Variants in BTN3A3 observed in about 807,000 individuals in gnomAD.
BTN3A3 encodes the protein butyrophilin 3.
Under a neutral mutation model 43.2 loss-of-function variants are expected in BTN3A3, and 39 were observed. The observed-to-expected ratio is 0.90, with a 90% confidence interval of 0.70 to 1.18. The LOEUF (loss-of-function observed/expected upper bound fraction) is 1.18. Among genes scored for constraint, BTN3A3 ranks in the 50% most tolerant of loss-of-function variants. The probability of loss-of-function intolerance (pLI) is 0.00; values close to 1 mark genes in which losing one functional copy is unlikely to be tolerated. For synonymous variants in BTN3A3, 255 were observed against 272.7 expected (o/e 0.93, Z 0.64); for missense variants, 631 against 722.8 (o/e 0.87, Z 1.46).
At chr6:26,446,092 C>G in intron 5 of BTN3A3, 107 bp downstream of exon 5, 1 of 1,532,730 alleles carries the variant, frequency 6.5e-7, no homozygotes, top group Non-Finnish European at 8.9e-7. Flanking sequence ...ACCTGGGTCT[C>G]TACAATGCAT....
At chr6:26,450,063 C>G in intron 9 of BTN3A3, 44 bp from the exon 10 acceptor site, 3 of 1,603,608 alleles carry the variant, frequency 1.9e-6, no homozygotes, top group Admixed American at 3.3e-5. Flanking sequence ...GAGAAAAGAA[C>G]AAAAATACTG....
intron 8 of BTN3A3, 182 bp from the exon 9 acceptor site, chr6:26,449,480 C>G: frequency 1.5e-6 from 1 of 660,116 alleles, no homozygotes; most frequent in Non-Finnish European, 2.7e-6. Flanking sequence ...AGCATTCAAC[C>G]AATGTTCCCA....
rs200995489 is a variant in BTN3A3, at chr6:26,451,742, G to A, written c.1086G>A (p.Val362=). The A allele has an allele frequency of 9.3e-5, 150 of 1,614,192 alleles. No homozygotes were observed. The highest frequency in any genetic ancestry group is 8.2e-4 in the East Asian group (37 of 44,886). Reference sequence around the variant, plus strand: ...TTGTTTCTGAGGACCAGAGGAGTGTGCAGCGTGCTGAAGAGCCGCGGGATC... The same window carrying A: ...TTGTTTCTGAGGACCAGAGGAGTGTACAGCGTGCTGAAGAGCCGCGGGATC... The part of the protein sequence containing the change: ...ILLVSEDQRS[V]QRAEEPRDLP... The change falls in exon 11 of 11, where the codon GTG becomes GTA. Residue 362 remains valine (V), a synonymous_variant. Transcript: ENST00000244519.
chr6:26,451,932 A>G lies in BTN3A3; in HGVS notation c.1276A>G (p.Thr426Ala). The change falls in exon 11 of 11, where the codon ACA becomes GCA. Residue 426 changes from threonine (T) to alanine (A), a missense_variant. Transcript: ENST00000244519. ...VERKKGWVKM[T>A]PENGYWTMGL... ...GAGGAAAAAAGGTTGGGTCAAAATG[A>G]CACCGGAGAACGGATACTGGACTAT... 6.2e-7 allele frequency: 1 copy of G among 1,614,078 alleles called. No individual in the cohort carries two copies. Among genetic ancestry groups the G allele is most frequent in the African/African-American group, 1.3e-5 (1 of 74,976 alleles).
Position 26,452,527 on chromosome 6 carries a change from C to T in BTN3A3, c.*116C>T. 2 of 890,572 alleles carry T rather than the reference C, an allele frequency of 2.2e-6. No individual in the cohort carries two copies. Among genetic ancestry groups the T allele is most frequent in the Middle Eastern group, 5.0e-4 (2 of 4,012 alleles). 55.2% of individuals were successfully genotyped at this position (890,572 alleles called of 1,614,324 possible). On this transcript the variant is annotated 3_prime_UTR_variant, in exon 11 of 11. Transcript: ENST00000244519. ...AGGTGAATTAACTTTACAAAGTAGACATGACAAGTGAACAGCAGAGCTGGG... is the reference window on the plus strand; with the variant it reads ...AGGTGAATTAACTTTACAAAGTAGATATGACAAGTGAACAGCAGAGCTGGG...
At chr6:26,444,690 G>A (rs180797432) in intron 4 of BTN3A3, 58 of 337,854 alleles carry the variant, frequency 1.7e-4, no homozygotes, top group African/African-American at 1.2e-3. Flanking sequence ...GTGGAATGGT[G>A]ACTGTATCTG....
chr6:26,452,288 T>C lies in BTN3A3; in HGVS notation c.1632T>C (p.Ser544=), dbSNP rs911497895. ...TPLTPGLANE[S]GEPQAEVTSL... The stretch of plus-strand genomic sequence containing the variant: ...TGACCCCGGGCTTAGCTAATGAAAG[T>C]GGGGAGCCTCAGGCTGAAGTAACAT... Residue 544 remains serine, a synonymous_variant, in exon 11 of 11, where the codon AGT becomes AGC. Transcript: ENST00000244519. The C allele has an allele frequency of 2.2e-5, 35 of 1,614,060 alleles. No homozygotes were observed. The highest frequency in any genetic ancestry group is 3.0e-5 in the Non-Finnish European group (35 of 1,180,002).
chr6:26,451,865 C>A lies in BTN3A3; in HGVS notation c.1209C>A (p.Asp403Glu), dbSNP rs774134079. ...ATTACTGGGAGGTGGAAGTGGGGGACAGAAAAGAGTGGCATATTGGGGTAT... is the reference window on the plus strand; with the variant it reads ...ATTACTGGGAGGTGGAAGTGGGGGAAAGAAAAGAGTGGCATATTGGGGTAT... ...GRHYWEVEVG[D>E]RKEWHIGVCS... The change falls in exon 11 of 11, where the codon GAC becomes GAA. Residue 403 changes from aspartate (D) to glutamate (E), a missense_variant. By Grantham distance (45) the Asp-to-Glu change is conservative. Coordinates refer to ENST00000244519, the MANE Select transcript of BTN3A3 (RefSeq NM_006994.5). 8 of 1,613,994 alleles carry A rather than the reference C, an allele frequency of 5.0e-6. No individual in the cohort carries two copies. In the Admixed American group the frequency reaches 1.2e-4, roughly 24 times the overall value.
rs768391648 is a variant in BTN3A3 at position 26,451,854 on chromosome 6, G to A, written c.1198G>A (p.Glu400Lys). Reference sequence around the variant, plus strand: ...ATCAGGGAGACATTACTGGGAGGTGGAAGTGGGGGACAGAAAAGAGTGGCA... The same window carrying A: ...ATCAGGGAGACATTACTGGGAGGTGAAAGTGGGGGACAGAAAAGAGTGGCA... ...FTSGRHYWEVEVGDRKEWHIG... is the reference protein window; with the variant it reads ...FTSGRHYWEVKVGDRKEWHIG... The change falls in exon 11 of 11, where the codon GAA (glutamate) becomes AAA (lysine). Residue 400 changes from glutamate to lysine, a missense_variant. By Grantham distance (56) the Glu-to-Lys change is moderately conservative (BLOSUM62 1). Around this residue, in one of 2 missense-constraint regions of BTN3A3, gnomAD observed 551 missense variants for 584.0 expected, o/e 0.94. Transcript: ENST00000244519. 7 of 1,614,090 alleles carry A rather than the reference G, an allele frequency of 4.3e-6. No homozygotes were observed. The South Asian group carries it at 6.6e-5, about 15-fold the overall frequency.
At position 26,444,204 on chromosome 6, in the gene BTN3A3, C is replaced by T. The variant is rs1406617997; in HGVS notation, c.333C>T (p.Leu111=). 1.2e-6 allele frequency: 2 copies of T among 1,611,918 alleles called. No homozygotes were observed. The highest frequency in any genetic ancestry group is 2.2e-5 in the East Asian group (1 of 44,902). The change falls in exon 4 of 11, where the codon CTC becomes CTT. Residue 111 remains leucine, a synonymous_variant. Coordinates refer to ENST00000244519, the MANE Select transcript of BTN3A3 (RefSeq NM_006994.5). ...GCATCACTGCAGGGAAGGCTGCTCT[C>T]CGAATACACAACGTCACAGCCTCTG... ...RDGITAGKAA[L]RIHNVTASDS...
At chr6:26,444,879 G>T in intron 4 of BTN3A3, 1 of 185,742 alleles carries the variant, frequency 5.4e-6, no homozygotes, top group South Asian at 1.0e-4. Flanking sequence ...TTTGGGGGAG[G>T]GTTTATAGAC....
chr6:26,452,377 A>G lies in BTN3A3; in HGVS notation c.1721A>G (p.His574Arg). 1 of 1,607,068 alleles carries G rather than the reference A, an allele frequency of 6.2e-7. No individual in the cohort carries two copies. The highest frequency in any genetic ancestry group is 1.3e-5 in the African/African-American group (1 of 75,052). ...CCTTCTGCAACAACCAATCAGAACC[A>G]TAAGCTACAGGCACGCACTGAAGCA... ...VSPSATTNQN[H>R]KLQARTEALY The change falls in exon 11 of 11, where the codon CAT becomes CGT. Residue 574 changes from histidine to arginine, a missense_variant. His to Arg is a conservative substitution (Grantham distance 29, BLOSUM62 0). Around this residue, in one of 2 missense-constraint regions of BTN3A3, gnomAD observed 551 missense variants for 584.0 expected, o/e 0.94. Transcript: ENST00000244519.
chr6:26,450,339 C>T (rs1241623939), intron 10 of BTN3A3: 2 of 588,360 alleles, frequency 3.4e-6, no homozygotes, highest in African/African-American at 3.8e-5. Flanking sequence ...GAATTGCTCT[C>T]TTGGGCTTCC....
chr6:26,449,693 G>C lies in BTN3A3; in HGVS notation c.991+5G>C. 2 of 1,614,200 alleles carry C rather than the reference G, an allele frequency of 1.2e-6. No homozygotes were observed. The highest frequency in any genetic ancestry group is 1.7e-6 in the Non-Finnish European group (2 of 1,180,006). On this transcript the variant is annotated splice_donor_5th_base_variant and intron_variant, in intron 9 of 10. Coordinates refer to ENST00000244519, the MANE Select transcript of BTN3A3 (RefSeq NM_006994.5). ...AGAAGTCTTTGGCCTATCATGGTGA[G>C]TGAGCCTGATGCTCTCTGGGTTTGC...
In BTN3A3 at chr6:26,451,700, G is replaced by C; in HGVS notation, c.1044G>C (p.Thr348=). 1 of 1,613,398 alleles carries C rather than the reference G, an allele frequency of 6.2e-7. No individual in the cohort carries two copies. Reference sequence around the variant, plus strand: ...CGGATGTGATTCTGGATCCAGACACGGCAAACGCCATCCTCCTTGTTTCTG... The same window carrying C: ...CGGATGTGATTCTGGATCCAGACACCGCAAACGCCATCCTCCTTGTTTCTG... The part of the protein sequence containing the change: ...KPADVILDPD[T]ANAILLVSED... Residue 348 remains threonine, a synonymous_variant, in exon 11 of 11, where the codon ACG becomes ACC. Coordinates refer to ENST00000244519, the MANE Select transcript of BTN3A3 (RefSeq NM_006994.5).
At chr6:26,446,720 T>TTTTG (rs560548626) in intron 5 of BTN3A3, among the ~76,000 whole-genome samples, 208 of 152,240 alleles carry the variant, frequency 1.4e-3, no homozygotes, top group Non-Finnish European at 2.4e-3. Flanking sequence ...CTGGGGGTTT[T>TTTTG]TTTGTTTGTT....
At chr6:26,449,824 G>C (rs1762880583) in intron 9 of BTN3A3, 136 bp downstream of exon 9, 1 of 1,179,800 alleles carries the variant, frequency 8.5e-7, no homozygotes, top group Non-Finnish European at 1.2e-6. Flanking sequence ...TGCATGGTAG[G>C]GGGTTGACTT....
At position 26,453,304 on chromosome 6, in the gene BTN3A3, A is replaced by AG. The variant is rs965972325; in HGVS notation, c.*896dup. ...ATATTCCTTTCAACTGCTGCCTGCT[A>AG]GGGAAAACTGCTCCTCATTATCATC... is the stretch of plus-strand genomic sequence containing the variant. On this transcript the variant is annotated 3_prime_UTR_variant, in exon 11 of 11. Coordinates refer to ENST00000244519, the MANE Select transcript of BTN3A3 (RefSeq NM_006994.5). 18 of 151,018 alleles carry AG rather than the reference A, an allele frequency of 1.2e-4. No homozygotes were observed. The highest frequency in any genetic ancestry group is 3.0e-4 in the African/African-American group (12 of 40,338). 9.4% of individuals were successfully genotyped at this position (151,018 alleles called of 1,614,324 possible).
At position 26,442,508 on chromosome 6, in the gene BTN3A3, T is replaced by C. The variant is rs77261451; in HGVS notation, c.-66-874T>C. Among the ~76,000 whole-genome samples, 13 of 152,286 alleles carry C rather than the reference T, an allele frequency of 8.5e-5. 1 individual carries two copies. The East Asian group carries it at 2.5e-3, about 29-fold the overall frequency. On this transcript the variant is annotated intron_variant, in intron 1 of 10. Coordinates refer to ENST00000244519, the MANE Select transcript of BTN3A3 (RefSeq NM_006994.5). ...TTTTTCAGTTGAATCATTAGTGTAG[T>C]TCTGCAACATGCTTTTTGACCGCTT...
Sources: gnomAD v4.1 joint callset for allele counts (sites outside exome capture counted in the v4.1 genomes callset) on GRCh38, gnomAD v4.1.1 for gene constraint, gnomAD v4.1.1 regional missense constraint, MANE v1.5 for transcripts, NCBI Gene and HGNC (gene_info 2026-07-23, HGNC 2026-07-21) for gene names.